Variants in MCHR2 observed in about 807,000 individuals in gnomAD.
MCHR2 encodes the protein melanin-concentrating hormone receptor 2.
MCHR2 carries 15 observed loss-of-function variants against 24.8 expected under a neutral mutation model. The ratio of observed to expected loss-of-function variants is 0.60; its 90% CI spans 0.40 to 0.93. MCHR2 has a LOEUF of 0.93. Among genes scored for constraint, MCHR2 ranks in the 40% least tolerant of loss-of-function variants. The pLI, the probability that MCHR2 is intolerant of heterozygous loss-of-function variation, is 0.00. For synonymous variants in MCHR2, 151 were observed against 147.6 expected (o/e 1.02, Z -0.17); for missense variants, 386 against 408.7 (o/e 0.94, Z 0.48).
rs1562124196 is a variant in MCHR2 at position 99,947,957 on chromosome 6, G to A, written c.197C>T (p.Thr66Ile). Residue 66 changes from threonine (T) to isoleucine (I), a missense_variant, in exon 3 of 6, where the codon ACA becomes ATA. Transcript: ENST00000281806. Reference sequence around the variant, plus strand: ...GTTGCAGATATAGATGTCAGGGACTGTTTTTTTCCTGGATCTGAAAGAGAT... The same window carrying A: ...GTTGCAGATATAGATGTCAGGGACTATTTTTTTCCTGGATCTGAAAGAGAT... Reference protein sequence around the residue: ...VFTIIRSRKKTVPDIYICNLA... With the variant: ...VFTIIRSRKKIVPDIYICNLA... 1.2e-6 allele frequency: 2 copies of A among 1,613,116 alleles called. No individual in the cohort carries two copies. The highest frequency in any genetic ancestry group is 1.3e-5 in the African/African-American group (1 of 74,970).
chr6:99,934,289 C>T, intron 5 of MCHR2, 109 bp downstream of exon 5: 1 of 1,138,472 alleles, frequency 8.8e-7, no homozygotes, highest in South Asian at 2.5e-5. Flanking sequence ...TCAATGTCCA[C>T]ATGTCTAAAT....
intron 1 of MCHR2, among the ~76,000 whole-genome samples, chr6:99,973,087 T>G (rs1377343261): frequency 6.6e-6 from 1 of 152,026 alleles, no homozygotes; most frequent in Non-Finnish European, 1.5e-5. Context: ...GTCCGCTTGG[T>G]GCAGAGCTGA....
chr6:99,980,119 T>TTATC (rs56056386), intron 1 of MCHR2, among the ~76,000 whole-genome samples: 89,037 of 151,624 alleles, frequency 0.59, 26,279 homozygotes, highest in Non-Finnish European at 0.6. Context: ...GTTTTATAGT[T>TTATC]TATAAAGTAA....
intron 1 of MCHR2, among the ~76,000 whole-genome samples, chr6:99,976,576 A>T (rs921014346): frequency 1.3e-5 from 2 of 152,230 alleles, no homozygotes; most frequent in Non-Finnish European, 2.9e-5. Flanking sequence ...AAGCTACTCC[A>T]GGTGTGGCTG....
chr6:99,973,910 A>C (rs980966342), intron 1 of MCHR2, among the ~76,000 whole-genome samples: 3 of 152,154 alleles, frequency 2.0e-5, no homozygotes, highest in Non-Finnish European at 4.4e-5. Context: ...TGGCTTGTAG[A>C]GTTTCTGTCG....
At chr6:99,980,693 C>T (rs1775652390) in intron 1 of MCHR2, among the ~76,000 whole-genome samples, 1 of 152,036 alleles carries the variant, frequency 6.6e-6, no homozygotes, top group African/African-American at 2.4e-5. Flanking sequence ...AAAAAAAATA[C>T]CCTCTATATT....
intron 5 of MCHR2, among the ~76,000 whole-genome samples, chr6:99,934,119 A>G (rs62434066): frequency 2.6e-5 from 4 of 152,166 alleles, no homozygotes; most frequent in Non-Finnish European, 5.9e-5. Context: ...AAATAACTTA[A>G]TAACAAATAT....
chr6:99,927,841 A>C (rs200334660), intron 5 of MCHR2, among the ~76,000 whole-genome samples: 44 of 152,172 alleles, frequency 2.9e-4, no homozygotes, highest in African/African-American at 7.9e-4. Context: ...CTTCTCCTGC[A>C]TAATTGCCCT....
intron 3 of MCHR2, among the ~76,000 whole-genome samples, chr6:99,946,509 G>C (rs1774873978): frequency 6.6e-6 from 1 of 152,068 alleles, no homozygotes; most frequent in Non-Finnish European, 1.5e-5. Flanking sequence ...ACAATTTCTG[G>C]ATGGACCCAG....
At chr6:99,965,898 T>G (rs1358663936) in intron 1 of MCHR2, among the ~76,000 whole-genome samples, 1 of 152,214 alleles carries the variant, frequency 6.6e-6, no homozygotes, top group Non-Finnish European at 1.5e-5. Context: ...GCTCGCCACA[T>G]GTGTTTCCAA....
intron 5 of MCHR2, among the ~76,000 whole-genome samples, chr6:99,932,503 A>T (rs1774567389): frequency 6.6e-6 from 1 of 152,242 alleles, no homozygotes; most frequent in Non-Finnish European, 1.5e-5. Flanking sequence ...TAGTAGTTTC[A>T]TGGTGGAGAA....
At chr6:99,992,515 C>T (rs1775903079) in intron 1 of MCHR2, among the ~76,000 whole-genome samples, 1 of 152,156 alleles carries the variant, frequency 6.6e-6, no homozygotes, top group African/African-American at 2.4e-5. Flanking sequence ...GAAATTGGTT[C>T]TCTCACAGCA....
At chr6:99,956,534 A>G (rs757117181) in intron 1 of MCHR2, among the ~76,000 whole-genome samples, 1 of 152,140 alleles carries the variant, frequency 6.6e-6, no homozygotes, top group Non-Finnish European at 1.5e-5. Context: ...CATATTGGCT[A>G]GTATTCTTGT....
intron 5 of MCHR2, among the ~76,000 whole-genome samples, chr6:99,931,399 G>A (rs987575299): frequency 5.9e-5 from 9 of 152,212 alleles, no homozygotes; most frequent in Non-Finnish European, 1.2e-4. Context: ...AGTCTGCAGA[G>A]GTTACTGCTG....
Position 99,920,600 on chromosome 6 carries a change from C to T in MCHR2, c.*340G>A, listed in dbSNP as rs1228398349. On this transcript the variant is annotated 3_prime_UTR_variant, in exon 6 of 6. Coordinates refer to ENST00000281806, the MANE Select transcript of MCHR2 (RefSeq NM_001040179.2). Reference sequence around the variant, plus strand: ...TACAGTGAGGCCACAGTGTGGAGGGCAAGGTCAGGTTCCTTGGTGAGTTTT... The same window carrying T: ...TACAGTGAGGCCACAGTGTGGAGGGTAAGGTCAGGTTCCTTGGTGAGTTTT... The T allele has an allele frequency of 4.1e-6, 1 of 242,596 alleles. No homozygotes were observed. The highest frequency in any genetic ancestry group is 9.3e-5 in the East Asian group (1 of 10,696). 15.0% of individuals were successfully genotyped at this position (242,596 alleles called of 1,614,324 possible).
At chr6:99,971,402 A>G (rs1359732650) in intron 1 of MCHR2, among the ~76,000 whole-genome samples, 2 of 152,012 alleles carry the variant, frequency 1.3e-5, no homozygotes, top group Non-Finnish European at 2.9e-5. Context: ...ATTTTTGTAC[A>G]TTGATTTTGT....
chr6:99,948,085 A>G (rs1562124259), intron 2 of MCHR2, 114 bp from the exon 3 acceptor site: 2 of 854,754 alleles, frequency 2.3e-6, no homozygotes, highest in East Asian at 5.2e-5. Context: ...GTTAAAGGAA[A>G]ACCTATACAG....
Position 99,943,033 on chromosome 6 carries a change from A to G in MCHR2, c.503T>C (p.Val168Ala), listed in dbSNP as rs1263665437. Residue 168 changes from valine (V) to alanine (A), a missense_variant, in exon 4 of 6, where the codon GTC becomes GCC. By Grantham distance (64) the Val-to-Ala change is moderately conservative. Transcript: ENST00000281806. ...TTTGATGACCTTCGAGTAGACCCAG[A>G]CAGGCAATGCCAGGATAAAGGAAGC... ...WAASFILALP[V>A]WVYSKVIKFK... The G allele has an allele frequency of 3.7e-6, 6 of 1,613,228 alleles. No homozygotes were observed. The South Asian group carries it at 5.5e-5, about 15-fold the overall frequency.
At chr6:99,981,289 G>A (rs1346048402) in intron 1 of MCHR2, among the ~76,000 whole-genome samples, 3 of 152,202 alleles carry the variant, frequency 2.0e-5, no homozygotes, top group Admixed American at 1.3e-4. Flanking sequence ...TTAGAATTGA[G>A]ATAAAATTGA....
Sources: gnomAD v4.1 joint callset for allele counts (sites outside exome capture counted in the v4.1 genomes callset) on GRCh38, gnomAD v4.1.1 for gene constraint, MANE v1.5 for transcripts, NCBI Gene and HGNC (gene_info 2026-07-23, HGNC 2026-07-21) for gene names.